The following KIF6 variants were observed in gnomAD, a reference collection of about 807,000 sequenced individuals.
The protein encoded by KIF6 is kinesin-like protein KIF6.
A neutral mutation model predicts 112.7 loss-of-function variants in KIF6; 106 were observed. The observed-to-expected ratio is 0.94, with a 90% CI of 0.80 to 1.11. The LOEUF (loss-of-function observed/expected upper bound fraction) is 1.11. Ranked by LOEUF, KIF6 falls within the 50% of genes least tolerant of loss-of-function variation. The pLI is 0.00. For synonymous variants in KIF6, 339 were observed against 339.9 expected (o/e 1.00, Z 0.03); for missense variants, 929 against 964.0 (o/e 0.96, Z 0.48).
intron 13 of KIF6, among the ~76,000 whole-genome samples, chr6:39,492,868 A>G (rs1315804461): frequency 1.3e-5 from 2 of 152,146 alleles, no homozygotes; most frequent in Admixed American, 1.3e-4. Context: ...ATTTTTATAG[A>G]AAAAAATATA....
chr6:39,434,519 C>T (rs1162889199), intron 13 of KIF6, among the ~76,000 whole-genome samples: 3 of 151,858 alleles, frequency 2.0e-5, no homozygotes, highest in East Asian at 1.9e-4. Flanking sequence ...TGCAGTGAGC[C>T]GAGATAGCAC....
intron 9 of KIF6, among the ~76,000 whole-genome samples, chr6:39,583,766 T>A (rs925724057): frequency 7.3e-6 from 1 of 137,916 alleles, no homozygotes; most frequent in African/African-American, 2.7e-5. Flanking sequence ...TAAGAAAAAC[T>A]GAGTGATTTG....
rs61092060 is a variant in KIF6, at chr6:39,337,110, CTCTTTCTT to C, written c.2429-570_2429-563del. On this transcript the variant is annotated intron_variant, in intron 22 of 22. Coordinates refer to ENST00000287152, the MANE Select transcript of KIF6 (RefSeq NM_145027.6). Reference sequence around the variant, plus strand: ...TTCTTTCCTTTCTTTCTTCTTTCTTCTCTTTCTTTCTTTCTTTCCTCCTTCCTTCCTTC... The same window carrying C: ...TTCTTTCCTTTCTTTCTTCTTTCTTCTCTTTCTTTCCTCCTTCCTTCCTTC... 1.8e-4 allele frequency among the ~76,000 whole-genome samples: 21 copies of C among 116,162 alleles called. 1 individual carries two copies. The highest frequency in any genetic ancestry group is 6.8e-4 in the African/African-American group (18 of 26,416). 76.2% of individuals were successfully genotyped at this position (116,162 alleles called of 152,430 possible). A position where few individuals can be genotyped will look rare whatever the true frequency, so the allele number is the denominator to read the frequency against.
intron 3 of KIF6, among the ~76,000 whole-genome samples, chr6:39,708,893 T>TA (rs556284770): frequency 0.093 from 12,642 of 136,020 alleles, 613 homozygotes; most frequent in South Asian, 0.21. Flanking sequence ...CAACACTAGA[T>TA]AAAAAAAAAA....
At chr6:39,703,443 C>T (rs996352421) in intron 3 of KIF6, among the ~76,000 whole-genome samples, 2 of 152,114 alleles carry the variant, frequency 1.3e-5, no homozygotes, top group African/African-American at 2.4e-5. Flanking sequence ...TAATATCTAT[C>T]AACCCATAGG....
intron 13 of KIF6, among the ~76,000 whole-genome samples, chr6:39,519,902 G>T (rs1213300275): frequency 1.3e-5 from 2 of 151,988 alleles, no homozygotes; most frequent in Non-Finnish European, 2.9e-5. Context: ...GATATCTGTA[G>T]TCCCAGCTAC....
intron 10 of KIF6, among the ~76,000 whole-genome samples, chr6:39,567,046 T>C (rs560980447): frequency 6.6e-6 from 1 of 152,368 alleles, no homozygotes; most frequent in African/African-American, 2.4e-5. Flanking sequence ...CATGAGTGTA[T>C]GTTCTAAAGA....
At chr6:39,540,547 T>C (rs1302645447) in intron 12 of KIF6, among the ~76,000 whole-genome samples, 1 of 152,254 alleles carries the variant, frequency 6.6e-6, no homozygotes, top group Non-Finnish European at 1.5e-5. Flanking sequence ...AGGCTATGTA[T>C]ACATCTTCCC....
intron 13 of KIF6, among the ~76,000 whole-genome samples, chr6:39,536,929 G>T (rs1778465543): frequency 6.6e-6 from 1 of 152,024 alleles, no homozygotes; most frequent in African/African-American, 2.4e-5. Context: ...ATCAATAAAT[G>T]TAATCCAGCA....
chr6:39,364,154 C>T (rs139514607), intron 16 of KIF6, among the ~76,000 whole-genome samples: 3 of 151,148 alleles, frequency 2.0e-5, no homozygotes, highest in Non-Finnish European at 3.0e-5. Flanking sequence ...TGCAGCAGCG[C>T]GATCTCCACT....
At chr6:39,650,786 T>C (rs1785428550) in intron 3 of KIF6, among the ~76,000 whole-genome samples, 2 of 152,162 alleles carry the variant, frequency 1.3e-5, no homozygotes, top group Non-Finnish European at 2.9e-5. Flanking sequence ...CTGGTTACTT[T>C]GGGTTTCTTT....
chr6:39,575,491 C>T (rs909025414), intron 10 of KIF6, among the ~76,000 whole-genome samples: 2 of 152,148 alleles, frequency 1.3e-5, no homozygotes, highest in East Asian at 1.9e-4. Flanking sequence ...AGGATGGTCT[C>T]GATCTCCTGA....
At chr6:39,591,222 C>G (rs1342476969) in intron 7 of KIF6, among the ~76,000 whole-genome samples, 1 of 152,196 alleles carries the variant, frequency 6.6e-6, no homozygotes, top group Non-Finnish European at 1.5e-5. Flanking sequence ...GGCCGAGCTT[C>G]TCATTGTTAT....
chr6:39,372,785 C>G (rs1766121693), intron 16 of KIF6, among the ~76,000 whole-genome samples: 1 of 152,176 alleles, frequency 6.6e-6, no homozygotes, highest in African/African-American at 2.4e-5. Flanking sequence ...CAACAGCTCC[C>G]TAATTATTTC....
At chr6:39,563,434 AAACT>A (rs1279903833) in intron 10 of KIF6, among the ~76,000 whole-genome samples, 2 of 152,204 alleles carry the variant, frequency 1.3e-5, no homozygotes, top group African/African-American at 2.4e-5. Flanking sequence ...ATATTTTATA[AAACT>A]AACAGTATAG....
intron 15 of KIF6, among the ~76,000 whole-genome samples, chr6:39,389,174 T>C (rs1022279190): frequency 6.6e-6 from 1 of 152,172 alleles, no homozygotes; most frequent in African/African-American, 2.4e-5. Context: ...AGGGAAAGTA[T>C]TATCATCATG....
chr6:39,646,853 C>T (rs1162590828), intron 3 of KIF6, among the ~76,000 whole-genome samples: 1 of 152,170 alleles, frequency 6.6e-6, no homozygotes, highest in East Asian at 1.9e-4. Context: ...TCACACAGTT[C>T]TGAGATCCCG....
At chr6:39,349,186 A>G (rs1764020797) in intron 19 of KIF6, among the ~76,000 whole-genome samples, 1 of 152,196 alleles carries the variant, frequency 6.6e-6, no homozygotes, top group Admixed American at 6.5e-5. Flanking sequence ...TCCAGGAATC[A>G]TCTTAAGTTG....
chr6:39,488,637 A>G (rs1012758257), intron 13 of KIF6, among the ~76,000 whole-genome samples: 3 of 152,218 alleles, frequency 2.0e-5, no homozygotes, highest in Non-Finnish European at 4.4e-5. Flanking sequence ...AGGACCTGAC[A>G]TCGTGCTTGG....
Sources: allele counts gnomAD v4.1 joint callset (sites outside exome capture counted in the v4.1 genomes callset), GRCh38; gene constraint gnomAD v4.1.1; transcripts MANE v1.5; gene names NCBI Gene and HGNC (gene_info 2026-07-23, HGNC 2026-07-21).